The following LRRTM4 variants were observed in gnomAD, a reference collection of about 807,000 sequenced individuals.
LRRTM4 encodes the protein leucine-rich repeat transmembrane neuronal protein 4.
A neutral mutation model predicts 47.6 loss-of-function variants in LRRTM4; 25 were observed. The observed-to-expected ratio is 0.53, with a 90% CI of 0.38 to 0.73. The LOEUF (loss-of-function observed/expected upper bound fraction) is 0.73. Ranked by LOEUF, LRRTM4 falls within the 30% of genes least tolerant of loss-of-function variation. The probability of loss-of-function intolerance (pLI) is 0.00; values close to 1 mark genes in which losing one functional copy is unlikely to be tolerated. For missense variants in LRRTM4, 638 were observed against 713.4 expected, an observed-to-expected ratio of 0.89 and a Z score of 1.20; for synonymous variants, 311 against 269.5, an observed-to-expected ratio of 1.15 and a Z score of -1.51.
chr2:76,988,567 C>T (rs986467502), intron 3 of LRRTM4, among the ~76,000 whole-genome samples: 34 of 151,796 alleles, frequency 2.2e-4, no homozygotes, highest in African/African-American at 8.0e-4. Context: ...GTCACCCCTT[C>T]GAATTCCTCA....
intron 3 of LRRTM4, among the ~76,000 whole-genome samples, chr2:77,243,118 A>G (rs970229905): frequency 2.6e-5 from 4 of 152,214 alleles, no homozygotes; most frequent in African/African-American, 9.6e-5. Context: ...CCAGTCATAA[A>G]AAAGATAAAT....
intron 3 of LRRTM4, among the ~76,000 whole-genome samples, chr2:77,423,340 T>G (rs987829287): frequency 1.5e-5 from 2 of 131,264 alleles, no homozygotes; most frequent in Admixed American, 1.5e-4. Flanking sequence ...TCCCAAAATT[T>G]AAATAACTGA....
chr2:76,864,103 GAGA>G (rs1672397527), intron 3 of LRRTM4, among the ~76,000 whole-genome samples: 1 of 152,152 alleles, frequency 6.6e-6, no homozygotes, highest in Admixed American at 6.5e-5. Context: ...TATTTGCTAG[GAGA>G]AGAAAAGTCT....
At chr2:77,162,083 A>G (rs1397786738) in intron 3 of LRRTM4, among the ~76,000 whole-genome samples, 2 of 152,190 alleles carry the variant, frequency 1.3e-5, no homozygotes, top group African/African-American at 2.4e-5. Context: ...AAGGGAAGCC[A>G]TGACAGGCGG....
chr2:77,396,192 T>C (rs1673695096), intron 3 of LRRTM4, among the ~76,000 whole-genome samples: 2 of 151,920 alleles, frequency 1.3e-5, no homozygotes, highest in African/African-American at 4.8e-5. Flanking sequence ...GATTAGCATA[T>C]AACAACCCCC....
At chr2:77,312,756 A>T (rs1296728030) in intron 3 of LRRTM4, among the ~76,000 whole-genome samples, 6 of 152,206 alleles carry the variant, frequency 3.9e-5, no homozygotes, top group Non-Finnish European at 5.9e-5. Flanking sequence ...TACACTGAGT[A>T]AAAGAAAAAA....
intron 3 of LRRTM4, among the ~76,000 whole-genome samples, chr2:77,132,522 TG>T (rs1460586390): frequency 6.6e-6 from 1 of 152,110 alleles, no homozygotes; most frequent in Non-Finnish European, 1.5e-5. Context: ...ATCTAGAGGC[TG>T]GGAAAGCCAA....
intron 3 of LRRTM4, among the ~76,000 whole-genome samples, chr2:76,828,201 T>TA (rs1484760219): frequency 6.6e-6 from 1 of 151,954 alleles, no homozygotes; most frequent in Non-Finnish European, 1.5e-5. Flanking sequence ...CCTGATTGCC[T>TA]AAGCATGCCG....
chr2:77,307,035 G>A (rs1466488621), intron 3 of LRRTM4, among the ~76,000 whole-genome samples: 4 of 151,384 alleles, frequency 2.6e-5, no homozygotes, highest in Admixed American at 2.6e-4. Flanking sequence ...GCGTAGCTGG[G>A]ACTACAGGCG....
At chr2:76,750,098 TC>T (rs1672798925) in intron 3 of LRRTM4, among the ~76,000 whole-genome samples, 1 of 152,226 alleles carries the variant, frequency 6.6e-6, no homozygotes, top group African/African-American at 2.4e-5. Context: ...AGGGAATTGC[TC>T]CCATTGTTGG....
At chr2:77,422,558 C>G (rs923090459) in intron 3 of LRRTM4, among the ~76,000 whole-genome samples, 1 of 152,236 alleles carries the variant, frequency 6.6e-6, no homozygotes, top group Admixed American at 6.5e-5. Context: ...AATACATTTG[C>G]TTTCTTATTG....
At chr2:77,457,048 A>ATG (rs1553446864) in intron 3 of LRRTM4, among the ~76,000 whole-genome samples, 634 of 14,526 alleles carry the variant, frequency 0.044, 16 homozygotes, top group African/African-American at 0.1. Flanking sequence ...ATATATATAT[A>ATG]TATGTATAAC....
chr2:77,339,026 A>G (rs1671269913), intron 3 of LRRTM4, among the ~76,000 whole-genome samples: 1 of 152,020 alleles, frequency 6.6e-6, no homozygotes, highest in South Asian at 2.1e-4. Context: ...GCATGTTCCC[A>G]TTTATGAGTG....
intron 3 of LRRTM4, among the ~76,000 whole-genome samples, chr2:77,206,209 C>T (rs1178296532): frequency 6.1e-5 from 9 of 147,548 alleles, no homozygotes; most frequent in Non-Finnish European, 1.2e-4. Flanking sequence ...AACAGGGTCT[C>T]ACTCTGTTGC....
At chr2:77,018,823 C>T (rs77747432) in intron 3 of LRRTM4, among the ~76,000 whole-genome samples, 3 of 152,078 alleles carry the variant, frequency 2.0e-5, no homozygotes, top group Non-Finnish European at 2.9e-5. Context: ...TGGTATGTCA[C>T]ATTATTATTC....
At chr2:77,115,103 C>A (rs1444012656) in intron 3 of LRRTM4, among the ~76,000 whole-genome samples, 3 of 152,120 alleles carry the variant, frequency 2.0e-5, no homozygotes, top group Non-Finnish European at 4.4e-5. Flanking sequence ...ATAGACCTAA[C>A]CCCAGGAATG....
chr2:76,929,621 G>A (rs898733102), intron 3 of LRRTM4, among the ~76,000 whole-genome samples: 1 of 152,102 alleles, frequency 6.6e-6, no homozygotes, highest in African/African-American at 2.4e-5. Context: ...AAGTGAGAGA[G>A]TAGACATGTT....
intron 2 of LRRTM4, 102 bp downstream of exon 2, chr2:77,521,566 C>G (rs1049409616): frequency 7.3e-7 from 1 of 1,371,638 alleles, no homozygotes; most frequent in Non-Finnish European, 1.0e-6. Flanking sequence ...GGCTGCTGCT[C>G]TTTGCCTGTT....
At chr2:77,236,708 G>A (rs965090487) in intron 3 of LRRTM4, among the ~76,000 whole-genome samples, 1 of 151,950 alleles carries the variant, frequency 6.6e-6, no homozygotes, top group African/African-American at 2.4e-5. Flanking sequence ...TCAATGTCTA[G>A]TTGTTGAGTG....
Sources: gnomAD v4.1 joint callset for allele counts (sites outside exome capture counted in the v4.1 genomes callset) on GRCh38, gnomAD v4.1.1 for gene constraint, MANE v1.5 for transcripts, NCBI Gene and HGNC (gene_info 2026-07-23, HGNC 2026-07-21) for gene names.